The following LY6S variants were observed in gnomAD, a reference collection of about 807,000 sequenced individuals.
The protein encoded by LY6S is lymphocyte antigen 6S.
chr8:143,073,263 C>T, the LY6S span, among the ~76,000 whole-genome samples: 9 of 141,832 alleles, frequency 6.3e-5, no homozygotes, highest in African/African-American at 2.5e-4. Flanking sequence ...CTGTCGTCCT[C>T]GGGGTCCCTG....
At chr8:143,047,436 G>T in the LY6S span, among the ~76,000 whole-genome samples, 1 of 152,088 alleles carries the variant, frequency 6.6e-6, no homozygotes, top group Non-Finnish European at 1.5e-5. Flanking sequence ...GAGGCACGGC[G>T]CCTGGCCCAG....
At chr8:143,044,813 G>A in the LY6S span, 19 of 1,365,870 alleles carry the variant, frequency 1.4e-5, no homozygotes, top group Non-Finnish European at 1.9e-5. Flanking sequence ...GGGAGAGAGG[G>A]CAAGGTGGGT....
the LY6S span, among the ~76,000 whole-genome samples, chr8:143,070,618 C>G: frequency 6.7e-6 from 1 of 149,456 alleles, no homozygotes; most frequent in Admixed American, 6.7e-5. Context: ...TCCTGGGTAG[C>G]TGGGATTACA....
the LY6S span, among the ~76,000 whole-genome samples, chr8:143,043,890 G>T: frequency 6.6e-6 from 1 of 152,178 alleles, no homozygotes; most frequent in Non-Finnish European, 1.5e-5. Flanking sequence ...GGTCAGGCTG[G>T]TCTCCAACTC....
At chr8:143,049,131 C>A in the LY6S span, 4 of 533,714 alleles carry the variant, frequency 7.5e-6, no homozygotes, top group Non-Finnish European at 1.5e-5. Context: ...GGGGATGTCC[C>A]ACACCCTGTC....
chr8:143,045,577 A>C, the LY6S span, among the ~76,000 whole-genome samples: 1 of 151,844 alleles, frequency 6.6e-6, no homozygotes, highest in Non-Finnish European at 1.5e-5. This position sits in a 1 kb window ranked among gnomAD's most constrained non-coding sequence, Gnocchi z 5.3. Context: ...TCTCACCCAG[A>C]GCCCCATGGC....
At chr8:143,070,475 AAAT>A in the LY6S span, among the ~76,000 whole-genome samples, 1 of 44,524 alleles carries the variant, frequency 2.2e-5, no homozygotes, top group African/African-American at 8.6e-5. Flanking sequence ...ATATATATAT[AAAT>A]ATATATATAT....
chr8:143,052,229 C>A, the LY6S span, among the ~76,000 whole-genome samples: 1 of 151,910 alleles, frequency 6.6e-6, no homozygotes, highest in Admixed American at 6.6e-5. Flanking sequence ...TGCAGTGAGC[C>A]GAGATCGCAC....
chr8:143,060,596 C>T, the LY6S span, among the ~76,000 whole-genome samples: 2 of 152,230 alleles, frequency 1.3e-5, no homozygotes, highest in Non-Finnish European at 2.9e-5. Flanking sequence ...GGAGATGACT[C>T]ACACTCCTTA....
the LY6S span, chr8:143,043,357 G>A: frequency 1.2e-6 from 1 of 849,140 alleles, no homozygotes; most frequent in Non-Finnish European, 1.6e-6. Flanking sequence ...GAGCGGGGTG[G>A]GGGATGAGCA....
the LY6S span, among the ~76,000 whole-genome samples, chr8:143,054,732 C>T: frequency 2.0e-4 from 30 of 152,186 alleles, no homozygotes; most frequent in Non-Finnish European, 2.9e-4. Flanking sequence ...ACCAACATTG[C>T]GCGAGCCGCC....
the LY6S span, chr8:143,057,179 T>C: frequency 4.1e-5 from 14 of 345,554 alleles, no homozygotes; most frequent in South Asian, 4.4e-4. Context: ...ACCCCCTTTT[T>C]TCTGGTAATA....
the LY6S span, among the ~76,000 whole-genome samples, chr8:143,074,901 C>G: frequency 6.6e-6 from 1 of 152,228 alleles, no homozygotes; most frequent in Non-Finnish European, 1.5e-5. Flanking sequence ...AAAGGGGCCC[C>G]CCAAGACTGG....
chr8:143,051,191 C>G, the LY6S span, among the ~76,000 whole-genome samples: 1 of 152,186 alleles, frequency 6.6e-6, no homozygotes, highest in Non-Finnish European at 1.5e-5. Context: ...ACTCCGGGAG[C>G]AGTGGCCCAG....
chr8:143,067,862 C>A, the LY6S span, among the ~76,000 whole-genome samples: 1 of 152,216 alleles, frequency 6.6e-6, no homozygotes, highest in Non-Finnish European at 1.5e-5. Context: ...TTGCTGCCAG[C>A]ATATCTCGCC....
chr8:143,045,165 C>G, the LY6S span, among the ~76,000 whole-genome samples: 1 of 152,168 alleles, frequency 6.6e-6, no homozygotes, highest in Non-Finnish European at 1.5e-5. The surrounding 1 kb of genome is among the most constrained non-coding windows in gnomAD (Gnocchi z 5.3). Context: ...CACCGAAGCC[C>G]GCCACCCCCA....
At chr8:143,049,189 ATC>A in the LY6S span, 1 of 534,706 alleles carries the variant, frequency 1.9e-6, no homozygotes, top group Non-Finnish European at 3.8e-6. Context: ...GGACTTTGGT[ATC>A]TGTTTTTGTC....
chr8:143,049,920 A>G, the LY6S span, among the ~76,000 whole-genome samples: 16 of 91,772 alleles, frequency 1.7e-4, no homozygotes, highest in South Asian at 4.6e-3. Context: ...CAAAAAAAAC[A>G]AAAACTCATC....
At chr8:143,046,354 G>A in the LY6S span, among the ~76,000 whole-genome samples, 8 of 151,672 alleles carry the variant, frequency 5.3e-5, no homozygotes, top group Non-Finnish European at 1.2e-4. Context: ...GAAGTGGGCG[G>A]ATCACAAGGT....
Sources: gnomAD v4.1 joint callset for allele counts (sites outside exome capture counted in the v4.1 genomes callset) on GRCh38, gnomAD v4.1.1 for gene constraint, Gnocchi (gnomAD v3.1) non-coding constraint, MANE v1.5 for transcripts, NCBI Gene and HGNC (gene_info 2026-07-23, HGNC 2026-07-21) for gene names.